PEAK1: variants seen among roughly 807,000 people sequenced by gnomAD.
PEAK1 encodes the protein pseudopodium enriched atypical kinase 1.
A neutral mutation model predicts 124.7 loss-of-function variants in PEAK1; 54 were observed. The observed-to-expected ratio is 0.43, with a 90% CI of 0.35 to 0.54. The LOEUF (loss-of-function observed/expected upper bound fraction) is 0.54, where lower values mean the gene tolerates loss of function less well. PEAK1 is among the 20% of genes least tolerant of loss of function. PEAK1 has a pLI of 0.01. For synonymous variants in PEAK1, 719 were observed against 760.0 expected, an observed-to-expected ratio of 0.95 and a Z score of 0.89; for missense variants, 2,046 against 2,134.5, an observed-to-expected ratio of 0.96 and a Z score of 0.82.
At chr15:77,402,627 T>C (rs1317945956) in intron 1 of PEAK1, 1 of 984,860 alleles carries the variant, frequency 1.0e-6, no homozygotes, top group Non-Finnish European at 1.2e-6. Flanking sequence ...TGGGGGCATA[T>C]AATGAAAACA....
At chr15:77,351,769 A>C in intron 2 of PEAK1, 5 of 985,456 alleles carry the variant, frequency 5.1e-6, no homozygotes, top group Non-Finnish European at 6.0e-6. Flanking sequence ...GGCCATGTTA[A>C]GACTTTATCT....
At chr15:77,271,895 C>T (rs946022694) in intron 5 of PEAK1, among the ~76,000 whole-genome samples, 8 of 151,782 alleles carry the variant, frequency 5.3e-5, no homozygotes, top group South Asian at 2.1e-4. Flanking sequence ...CAAACCTGCA[C>T]GTTGTGCACA....
chr15:77,247,943 T>G (rs1166179875), intron 6 of PEAK1, among the ~76,000 whole-genome samples: 1 of 152,210 alleles, frequency 6.6e-6, no homozygotes, highest in African/African-American at 2.4e-5. Flanking sequence ...TTTGACTTGT[T>G]TTGATATCAC....
Position 77,203,522 on chromosome 15 carries a change from G to C in PEAK1, c.-114-21482C>G, listed in dbSNP as rs1050082181. Among the ~76,000 whole-genome samples, 3 of 152,038 alleles carry C rather than the reference G, an allele frequency of 2.0e-5. No individual in the cohort carries two copies. The South Asian group carries it at 6.2e-4, about 32-fold the overall frequency. ...GAGGACTGACATTACCCAACTTCAA[G>C]ACATACTATAAAGCTACAGTAATCA... On this transcript the variant is annotated intron_variant, in intron 6 of 9. Transcript: ENST00000682557.
At chr15:77,146,581 G>A (rs911948898) in intron 8 of PEAK1, among the ~76,000 whole-genome samples, 1 of 152,154 alleles carries the variant, frequency 6.6e-6, no homozygotes, top group African/African-American at 2.4e-5. Flanking sequence ...AAATGGGAAT[G>A]CAGCTAACTT....
At chr15:77,280,607 C>A (rs971003942) in intron 5 of PEAK1, among the ~76,000 whole-genome samples, 2 of 147,148 alleles carry the variant, frequency 1.4e-5, no homozygotes, top group Admixed American at 1.4e-4. Flanking sequence ...AAAACCTATT[C>A]CTATTCCATG....
At chr15:77,294,904 T>C (rs979166323) in intron 2 of PEAK1, among the ~76,000 whole-genome samples, 2 of 152,124 alleles carry the variant, frequency 1.3e-5, no homozygotes, top group African/African-American at 2.4e-5. Flanking sequence ...TGCAATGATA[T>C]GATATATACA....
intron 1 of PEAK1, among the ~76,000 whole-genome samples, chr15:77,412,784 GA>G (rs985386886): frequency 6.7e-6 from 1 of 148,378 alleles, no homozygotes; most frequent in East Asian, 2.0e-4. Context: ...GCTGAGGTAG[GA>G]AAAAAAAACA....
intron 2 of PEAK1, among the ~76,000 whole-genome samples, chr15:77,322,684 A>G (rs976139960): frequency 7.2e-5 from 11 of 152,168 alleles, no homozygotes; most frequent in Non-Finnish European, 1.0e-4. Flanking sequence ...ATTCACAGCC[A>G]AATTCTACCA....
intron 6 of PEAK1, among the ~76,000 whole-genome samples, chr15:77,250,202 CAT>C (rs1402726997): frequency 5.7e-5 from 6 of 104,424 alleles, no homozygotes; most frequent in Non-Finnish European, 1.1e-4. Context: ...CATATATATA[CAT>C]ATATATGTAT....
chr15:77,390,058 T>C (rs2070322341), intron 1 of PEAK1, among the ~76,000 whole-genome samples: 1 of 152,244 alleles, frequency 6.6e-6, no homozygotes, highest in African/African-American at 2.4e-5. Context: ...TGGATACTTT[T>C]ATCTCATTTG....
intron 6 of PEAK1, among the ~76,000 whole-genome samples, chr15:77,208,686 C>A (rs545935730): frequency 9.4e-4 from 143 of 152,188 alleles, no homozygotes; most frequent in African/African-American, 3.2e-3. Flanking sequence ...AACAAAAAAA[C>A]CAATCTTCTA....
intron 5 of PEAK1, among the ~76,000 whole-genome samples, chr15:77,269,386 C>A (rs2061910157): frequency 6.6e-6 from 1 of 152,092 alleles, no homozygotes; most frequent in Non-Finnish European, 1.5e-5. Context: ...TCAGACAAAA[C>A]AAACTTTAAA....
chr15:77,271,438 C>G (rs962885557), intron 5 of PEAK1, among the ~76,000 whole-genome samples: 4 of 151,928 alleles, frequency 2.6e-5, no homozygotes, highest in South Asian at 2.1e-4. Flanking sequence ...GGGTATATAC[C>G]CAAAGGATTA....
intron 2 of PEAK1, among the ~76,000 whole-genome samples, chr15:77,302,658 A>G (rs997479156): frequency 2.0e-5 from 3 of 152,178 alleles, no homozygotes; most frequent in African/African-American, 7.2e-5. Context: ...AAAGTTACTT[A>G]GATTAGCAAC....
chr15:77,218,731 C>T (rs2059254876), intron 6 of PEAK1, among the ~76,000 whole-genome samples: 1 of 152,120 alleles, frequency 6.6e-6, no homozygotes, highest in Admixed American at 6.6e-5. Flanking sequence ...TAATGGCACA[C>T]ACCACTGCAC....
At position 77,262,062 on chromosome 15, in the gene PEAK1, G is replaced by A. The variant is rs574049404; in HGVS notation, c.-274-9536C>T. Among the ~76,000 whole-genome samples, 4 of 152,250 alleles carry A rather than the reference G, an allele frequency of 2.6e-5. No individual in the cohort carries two copies. In the East Asian group the frequency reaches 7.7e-4, roughly 29 times the overall value. Reference sequence around the variant, plus strand: ...TACTTTACAGACAAGCAAATGCTGAGAGATTTTGTCACTACCAGGCCTGCC... The same window carrying A: ...TACTTTACAGACAAGCAAATGCTGAAAGATTTTGTCACTACCAGGCCTGCC... On this transcript the variant is annotated intron_variant, in intron 5 of 9. Coordinates refer to ENST00000682557, the MANE Select transcript of PEAK1 (RefSeq NM_001385026.1).
At chr15:77,322,334 C>T (rs1335342474) in intron 2 of PEAK1, among the ~76,000 whole-genome samples, 2 of 152,136 alleles carry the variant, frequency 1.3e-5, no homozygotes, top group African/African-American at 4.8e-5. Context: ...ATCAATGAAT[C>T]CAGGAGCTGG....
intron 2 of PEAK1, chr15:77,348,776 CT>C (rs1010115581): frequency 1.6e-6 from 1 of 623,664 alleles, no homozygotes; most frequent in Non-Finnish European, 1.8e-6. Flanking sequence ...TGATGAATAT[CT>C]TTTTTTCTTT....
Sources: gnomAD v4.1 joint callset for allele counts (sites outside exome capture counted in the v4.1 genomes callset) on GRCh38, gnomAD v4.1.1 for gene constraint, MANE v1.5 for transcripts, NCBI Gene and HGNC (gene_info 2026-07-23, HGNC 2026-07-21) for gene names.